Variants in COL17A1 observed in about 807,000 individuals in gnomAD.
COL17A1 encodes the protein collagen type XVII alpha 1 chain, also known as collagen alpha-1(XVII) chain.
COL17A1 carries 181 observed loss-of-function variants against 218.4 expected under a neutral mutation model. That is an observed-to-expected ratio of 0.83 (90% confidence interval 0.73 to 0.94). COL17A1 has a LOEUF of 0.94. Among genes scored for constraint, COL17A1 ranks in the 40% least tolerant of loss-of-function variants. The probability of loss-of-function intolerance (pLI) is 0.00; values close to 1 mark genes in which losing one functional copy is unlikely to be tolerated. For missense variants in COL17A1, 1,924 were observed against 1,945.9 expected (o/e 0.99, Z 0.21); for synonymous variants, 721 against 731.0 (o/e 0.99, Z 0.22).
chr10:104,055,158 T>A (rs2086508110), intron 19 of COL17A1, 151 bp from the exon 20 acceptor site: 1 of 1,457,488 alleles, frequency 6.9e-7, no homozygotes, highest in Non-Finnish European at 9.4e-7. Context: ...AGAGTCTATG[T>A]CATTTGGGCT....
At position 104,064,302 on chromosome 10, in the gene COL17A1, C is replaced by T. The variant is rs995438829; in HGVS notation, c.766+136G>A. On this transcript the variant is annotated intron_variant, in intron 10 of 55. Transcript: ENST00000648076. Reference sequence around the variant, plus strand: ...ATTGAACTGAAGTTCCAGGGGGAATCTCCTGGGATGTTTGGCCACAGAAAG... The same window carrying T: ...ATTGAACTGAAGTTCCAGGGGGAATTTCCTGGGATGTTTGGCCACAGAAAG... 1.1e-5 allele frequency: 15 copies of T among 1,426,096 alleles called. No individual in the cohort carries two copies. The Admixed American group carries it at 2.9e-4, about 28-fold the overall frequency. The allele number at this position is 1,426,096 out of a possible 1,614,324, so 88.3% of individuals were successfully genotyped here.
intron 2 of COL17A1, among the ~76,000 whole-genome samples, chr10:104,080,012 C>A (rs1191969530): frequency 6.6e-6 from 1 of 151,688 alleles, no homozygotes; most frequent in African/African-American, 2.4e-5. Flanking sequence ...TTGTATAGAA[C>A]CTCTCATTGT....
chr10:104,034,463 C>T, intron 51 of COL17A1, 129 bp from the exon 52 acceptor site: 1 of 1,474,152 alleles, frequency 6.8e-7, no homozygotes, highest in Non-Finnish European at 9.1e-7. Flanking sequence ...GGTTCTTGTA[C>T]CCGAGTGGGA....
chr10:104,047,646 T>C, intron 31 of COL17A1, 93 bp downstream of exon 31: 1 of 1,048,846 alleles, frequency 9.5e-7, no homozygotes, highest in Non-Finnish European at 1.5e-6. Flanking sequence ...CCTGCACACC[T>C]GCACATGCAC....
intron 8 of COL17A1, among the ~76,000 whole-genome samples, chr10:104,071,017 C>T (rs1055633944): frequency 2.0e-5 from 3 of 152,156 alleles, no homozygotes; most frequent in African/African-American, 7.2e-5. Context: ...AATCTGTGGG[C>T]CATAACTCCT....
chr10:104,052,008 G>T, intron 24 of COL17A1, 147 bp downstream of exon 24: 1 of 1,035,048 alleles, frequency 9.7e-7, no homozygotes, highest in Non-Finnish European at 1.5e-6. Context: ...TCTGGGGGAT[G>T]CTCTTTGGAC....
At chr10:104,075,868 C>T (rs760433320) in intron 5 of COL17A1, among the ~76,000 whole-genome samples, 7 of 152,352 alleles carry the variant, frequency 4.6e-5, no homozygotes, top group East Asian at 3.9e-4. Flanking sequence ...ATGAGGACCT[C>T]GCTCAGATGT....
chr10:104,037,197 C>A, intron 46 of COL17A1, 84 bp from the exon 47 acceptor site: 1 of 1,281,680 alleles, frequency 7.8e-7, no homozygotes, highest in South Asian at 1.3e-5. Context: ...AAGGCCCGGT[C>A]ACCGAGCTGT....
At chr10:104,052,303 C>T in intron 23 of COL17A1, 86 bp from the exon 24 acceptor site, 1 of 1,549,974 alleles carries the variant, frequency 6.5e-7, no homozygotes, top group Non-Finnish European at 8.9e-7. Flanking sequence ...GGAGGGGATG[C>T]TTCCCACCCT....
chr10:104,063,567 A>G (rs2086601145), intron 11 of COL17A1, 180 bp downstream of exon 11: 2 of 969,062 alleles, frequency 2.1e-6, no homozygotes. Flanking sequence ...CCCTCGCCTG[A>G]GACTTTTCCC....
chr10:104,078,644 T>C, intron 2 of COL17A1, 58 bp from the exon 3 acceptor site: 2 of 1,609,758 alleles, frequency 1.2e-6, no homozygotes, highest in South Asian at 1.1e-5. Context: ...CCTCTGGATC[T>C]TGGCAAGGTC....
Position 104,050,826 on chromosome 10 carries a change from C to G in COL17A1, c.2092+22G>C, listed in dbSNP as rs375335262. ...GTGTCCATCAGACCCTCACTGTCCC[C>G]CCAGGCCTCCCTCCAGCTTACCTTT... is the stretch of plus-strand genomic sequence containing the variant. On this transcript the variant is annotated intron_variant, in intron 26 of 55. Coordinates refer to ENST00000648076, the MANE Select transcript of COL17A1 (RefSeq NM_000494.4). 74 of 1,614,138 alleles carry G rather than the reference C, an allele frequency of 4.6e-5. No homozygotes were observed. In the East Asian group the frequency reaches 7.8e-4, roughly 17 times the overall value.
rs2086271481 is a variant in COL17A1 at position 104,035,525 on chromosome 10, G to A, written c.3457C>T (p.Pro1153Ser). Residue 1153 changes from proline (P) to serine (S), a missense_variant, in exon 49 of 56, where the codon CCC (proline) becomes TCC (serine). Coordinates refer to ENST00000648076, the MANE Select transcript of COL17A1 (RefSeq NM_000494.4). Reference sequence around the variant, plus strand: ...TAGGAGGTTCCCGGCAAGCCAGGGGGCCCCGGGGGACCAGGAAGCCCAATG... The same window carrying A: ...TAGGAGGTTCCCGGCAAGCCAGGGGACCCCGGGGGACCAGGAAGCCCAATG... ...ISIGLPGPPG[P>S]PGLPGTSYEE... is the part of the protein sequence containing the mutation. 3.7e-6 allele frequency: 6 copies of A among 1,613,912 alleles called. No homozygotes were observed. Among genetic ancestry groups the A allele is most frequent in the South Asian group, 1.1e-5 (1 of 91,072 alleles).
rs373581383 is a variant in COL17A1, at chr10:104,041,053, C to G, written c.2701+12G>C. The G allele has an allele frequency of 9.8e-5, 158 of 1,614,054 alleles. No homozygotes were observed. Among genetic ancestry groups the G allele is most frequent in the Non-Finnish European group, 1.2e-4 (147 of 1,180,006 alleles). ...GGTGGAGAACAGGTGCGACTTGACT[C>G]CCTGACATTACCTGAGTTGGACAGG... On this transcript the variant is annotated intron_variant, in intron 39 of 55. Transcript: ENST00000648076.
chr10:104,052,625 G>T (rs2086480860), intron 23 of COL17A1, among the ~76,000 whole-genome samples: 2 of 152,160 alleles, frequency 1.3e-5, no homozygotes, highest in Middle Eastern at 3.4e-3. Context: ...CTATGTCTGG[G>T]GCCTTCCCCA....
Position 104,073,231 on chromosome 10 carries a change from T to C in COL17A1, c.394A>G (p.Arg132Gly). ...TCACCTCGTGTTTGACTCCGTCCTCTGGTTGAAGAAGATGCTGAGAAACAA... is the reference window on the plus strand; with the variant it reads ...TCACCTCGTGTTTGACTCCGTCCTCCGGTTGAAGAAGATGCTGAGAAACAA... ...PRKEFASSSTRGRSQTRESEI... is the reference protein window; with the variant it reads ...PRKEFASSSTGGRSQTRESEI... Residue 132 changes from arginine (R) to glycine (G), a missense_variant, in exon 7 of 56, where the codon AGA becomes GGA. Physicochemically the swap from Arg to Gly is moderately radical, Grantham distance 125. Transcript: ENST00000648076. The C allele has an allele frequency of 6.2e-7, 1 of 1,613,974 alleles. No individual in the cohort carries two copies. The highest frequency in any genetic ancestry group is 8.5e-7 in the Non-Finnish European group (1 of 1,179,900).
At chr10:104,045,688 C>G (rs936830496) in intron 33 of COL17A1, 70 bp downstream of exon 33, 13 of 1,298,584 alleles carry the variant, frequency 1.0e-5, no homozygotes, top group Non-Finnish European at 1.3e-5. Context: ...GAGGCCTCCT[C>G]CTGTCCATCC....
rs1589553150 is a variant in COL17A1, at chr10:104,031,826, C to T, written c.*409G>A. 2 of 274,448 alleles carry T rather than the reference C, an allele frequency of 7.3e-6. No individual in the cohort carries two copies. The highest frequency in any genetic ancestry group is 1.7e-4 in the East Asian group (2 of 12,068). 17.0% of individuals were successfully genotyped at this position (274,448 alleles called of 1,614,324 possible). ...ACCAGAACACACCCCCATCAAGTGT[C>T]ACCTCCAGGAAGGCGCCCCACCCCC... On this transcript the variant is annotated 3_prime_UTR_variant, in exon 56 of 56. Coordinates refer to ENST00000648076, the MANE Select transcript of COL17A1 (RefSeq NM_000494.4).
rs1174988651 is a variant in COL17A1 at position 104,034,085 on chromosome 10, G to T, written c.4016C>A (p.Thr1339Asn). 1 of 1,613,992 alleles carries T rather than the reference G, an allele frequency of 6.2e-7. No individual in the cohort carries two copies. Among genetic ancestry groups the T allele is most frequent in the Non-Finnish European group, 8.5e-7 (1 of 1,180,040 alleles). ...EAAGDRGPYG[T>N]DIGPGGGYGA... is the part of the protein sequence containing the mutation. ...ATAGCCTCCGCCTGGGCCGATGTCA[G>T]TGCCATAGGGACCCCTGTCTCCTGC... The change falls in exon 52 of 56, where the codon ACT becomes AAT. Residue 1339 changes from threonine to asparagine, a missense_variant. Physicochemically the swap from Thr to Asn is moderately conservative, Grantham distance 65. Coordinates refer to ENST00000648076, the MANE Select transcript of COL17A1 (RefSeq NM_000494.4).
Sources: gnomAD v4.1 joint callset for allele counts (sites outside exome capture counted in the v4.1 genomes callset) on GRCh38, gnomAD v4.1.1 for gene constraint, MANE v1.5 for transcripts, NCBI Gene and HGNC (gene_info 2026-07-23, HGNC 2026-07-21) for gene names.